KANK1: variants seen among roughly 807,000 people sequenced by gnomAD.
KANK1 encodes KN motif and ankyrin repeat domain-containing protein 1.
A neutral mutation model predicts 106.2 loss-of-function variants in KANK1; 109 were observed. The ratio of observed to expected loss-of-function variants is 1.03; its 90% confidence interval spans 0.88 to 1.20. The LOEUF (loss-of-function observed/expected upper bound fraction) is 1.20, where lower values mean the gene tolerates loss of function less well. Among genes scored for constraint, KANK1 ranks in the 50% most tolerant of loss-of-function variants. The pLI is 0.00. For missense variants in KANK1, 2,399 were observed against 1,710.7 expected (o/e 1.40, Z -7.10); for synonymous variants, 873 against 652.2 (o/e 1.34, Z -5.16).
At chr9:710,623 AAAAAAACAAAAAAAAAC>A (rs1217158897) in intron 2 of KANK1, among the ~76,000 whole-genome samples, 164 bp from the exon 3 acceptor site, 11 of 130,464 alleles carry the variant, frequency 8.4e-5, no homozygotes, top group East Asian at 5.9e-4. Flanking sequence ...CTCAAAAAAA[AAAAAAACAAAAAAAAAC>A]AAAAAAAACT....
Position 734,734 on chromosome 9 carries a change from T to G in KANK1, c.3246-14T>G. The G allele has an allele frequency of 6.4e-7, 1 of 1,572,628 alleles. No individual in the cohort carries two copies. Among genetic ancestry groups the G allele is most frequent in the Non-Finnish European group, 8.7e-7 (1 of 1,143,534 alleles). ...TTCTTGTGACCAATCGTAACTTGTT[T>G]TTTCTCCTTTCAGGTATGAATTAAG... On this transcript the variant is annotated splice_polypyrimidine_tract_variant and intron_variant, in intron 6 of 11. Transcript: ENST00000382297.
chr9:595,393 A>G (rs1336135923), intron 1 of KANK1, among the ~76,000 whole-genome samples: 1 of 151,954 alleles, frequency 6.6e-6, no homozygotes, highest in Admixed American at 6.5e-5. Context: ...ACCTAATGCC[A>G]TTGCAGGAGC....
chr9:606,297 C>G (rs942872112), intron 1 of KANK1, among the ~76,000 whole-genome samples: 2 of 138,414 alleles, frequency 1.4e-5, no homozygotes, highest in Non-Finnish European at 2.9e-5. Flanking sequence ...TGGCTCACAC[C>G]TGAAATCCCA....
chr9:645,270 G>A (rs113597168), intron 1 of KANK1, among the ~76,000 whole-genome samples: 23 of 148,124 alleles, frequency 1.6e-4, no homozygotes, highest in East Asian at 4.0e-4. Context: ...GCAAAACCCC[G>A]TCTATACAAA....
At chr9:697,688 T>C (rs372900622) in intron 2 of KANK1, among the ~76,000 whole-genome samples, 10 of 152,228 alleles carry the variant, frequency 6.6e-5, no homozygotes, top group Non-Finnish European at 1.2e-4. Flanking sequence ...TATTATAGCA[T>C]GATGGACTCA....
At chr9:631,505 T>C (rs551812837) in intron 1 of KANK1, among the ~76,000 whole-genome samples, 17 of 151,190 alleles carry the variant, frequency 1.1e-4, no homozygotes, top group Non-Finnish European at 4.4e-5. Flanking sequence ...AATTCCCCAC[T>C]ATACCTGTGC....
rs182852666 is a variant in KANK1 at position 624,703 on chromosome 9, G to A, written c.-83-52187G>A. 4.0e-3 allele frequency among the ~76,000 whole-genome samples: 604 copies of A among 152,266 alleles called. 3 individuals are homozygous for A. The highest frequency in any genetic ancestry group is 0.014 in the African/African-American group (583 of 41,544). ...AGTCCCAGCTACTCGGGAGGCTGAG[G>A]CAGGAGAATCACTTGAACCTGGGAG... On this transcript the variant is annotated intron_variant, in intron 1 of 11. Transcript: ENST00000382297.
chr9:676,197 C>A (rs975911806), intron 1 of KANK1, among the ~76,000 whole-genome samples: 1 of 152,124 alleles, frequency 6.6e-6, no homozygotes, highest in Non-Finnish European at 1.5e-5. Flanking sequence ...AATGCCTAAC[C>A]TCCTGGGAAT....
At chr9:477,958 C>T (rs1001415835) in intron 3 of KANK1, 2 of 161,532 alleles carry the variant, frequency 1.2e-5, no homozygotes, top group Admixed American at 6.4e-5. Context: ...GATCAACCCT[C>T]TGGACCTGTC....
chr9:504,779 C>CGCCCCGTGCCGCGCT (rs1554723206), intron 1 of KANK1, 25 bp downstream of exon 1: 4 of 140,920 alleles, frequency 2.8e-5, no homozygotes, highest in South Asian at 2.1e-4. Context: ...GGGGCCGTGC[C>CGCCCCGTGCCGCGCT]GCGCCCCGTG....
In KANK1 at chr9:746,038, G is replaced by GTATT. The variant is rs1425546675; in HGVS notation, c.*806_*809dup. 2.0e-5 allele frequency: 3 copies of GTATT among 152,624 alleles called. No individual in the cohort carries two copies. The East Asian group carries it at 5.8e-4, about 29-fold the overall frequency. The allele number at this position is 152,624 out of a possible 1,614,324, so 9.5% of individuals were successfully genotyped here. A position where few individuals can be genotyped will look rare whatever the true frequency, so the allele number is the denominator to read the frequency against. ...TGTCACATTTACTTTGGTCCTCTATGTATTTAAATGTTTGAAGTGCCTTAG... is the reference window on the plus strand; with the variant it reads ...TGTCACATTTACTTTGGTCCTCTATGTATTTATTTAAATGTTTGAAGTGCCTTAG... On this transcript the variant is annotated 3_prime_UTR_variant, in exon 12 of 12. Coordinates refer to ENST00000382297, the MANE Select transcript of KANK1 (RefSeq NM_015158.5).
rs138368734 is a variant in KANK1, at chr9:711,558, C to G, written c.792C>G (p.Arg264=). ...NVSPMHLQHI[R]EQMAIALKRL... Reference sequence around the variant, plus strand: ...GCCCCATGCACCTGCAGCACATCCGCGAGCAGATGGCCATTGCTCTGAAAC... The same window carrying G: ...GCCCCATGCACCTGCAGCACATCCGGGAGCAGATGGCCATTGCTCTGAAAC... Residue 264 remains arginine (R), a synonymous_variant, in exon 3 of 12, where the codon CGC becomes CGG. Transcript: ENST00000382297. 3.1e-6 allele frequency: 5 copies of G among 1,613,816 alleles called. No homozygotes were observed. The Admixed American group carries it at 8.3e-5, about 27-fold the overall frequency.
At chr9:499,484 A>T (rs990881706) in intron 3 of KANK1, among the ~76,000 whole-genome samples, 1 of 152,194 alleles carries the variant, frequency 6.6e-6, no homozygotes, top group African/African-American at 2.4e-5. Context: ...TCCTGCTGCC[A>T]CAGTTCCACT....
intron 1 of KANK1, among the ~76,000 whole-genome samples, chr9:598,331 T>C (rs561516975): frequency 6.6e-6 from 1 of 151,772 alleles, no homozygotes; most frequent in South Asian, 2.1e-4. Context: ...TTAGTGTTGT[T>C]TTGGCTATTT....
At chr9:486,234 CAA>C (rs2058291329) in intron 3 of KANK1, among the ~76,000 whole-genome samples, 3 of 152,198 alleles carry the variant, frequency 2.0e-5, no homozygotes, top group African/African-American at 7.2e-5. Flanking sequence ...TTCAGCCCTG[CAA>C]AAGTCAATTG....
chr9:660,927 C>T (rs575061110), intron 1 of KANK1, among the ~76,000 whole-genome samples: 1 of 152,278 alleles, frequency 6.6e-6, no homozygotes, highest in South Asian at 2.1e-4. Context: ...GTCCAAACAC[C>T]AGAATGTGAG....
intron 2 of KANK1, among the ~76,000 whole-genome samples, chr9:683,362 A>C (rs1349039648): frequency 2.6e-5 from 4 of 152,174 alleles, no homozygotes; most frequent in African/African-American, 9.7e-5. Flanking sequence ...CATAGGTAGG[A>C]GCCTGACATA....
intron 2 of KANK1, among the ~76,000 whole-genome samples, chr9:705,547 T>C (rs1203852735): frequency 6.6e-6 from 1 of 151,956 alleles, no homozygotes; most frequent in Non-Finnish European, 1.5e-5. Context: ...ATGTTGATAA[T>C]TGGTGTGTGG....
intron 3 of KANK1, among the ~76,000 whole-genome samples, chr9:475,787 G>C (rs1398377069): frequency 6.6e-6 from 1 of 152,154 alleles, no homozygotes; most frequent in African/African-American, 2.4e-5. Context: ...AACATAGCTA[G>C]ATATTTTTCT....
Sources: gnomAD v4.1 joint callset for allele counts (sites outside exome capture counted in the v4.1 genomes callset) on GRCh38, gnomAD v4.1.1 for gene constraint, MANE v1.5 for transcripts, NCBI Gene and HGNC (gene_info 2026-07-23, HGNC 2026-07-21) for gene names.